Variants in MLLT3 observed in about 807,000 individuals in gnomAD.
MLLT3 encodes protein AF-9.
MLLT3 carries 4 observed loss-of-function variants against 53.2 expected under a neutral mutation model. The ratio of observed to expected loss-of-function variants is 0.08; its 90% CI spans 0.04 to 0.17. The LOEUF (loss-of-function observed/expected upper bound fraction) is 0.17. MLLT3 is among the 10% of genes least tolerant of loss of function. The pLI is 1.00. For synonymous variants in MLLT3, 283 were observed against 230.6 expected, an observed-to-expected ratio of 1.23 and a Z score of -2.06; for missense variants, 569 against 684.0, an observed-to-expected ratio of 0.83 and a Z score of 1.87.
chr9:20,362,088 TA>T (rs1295098248), intron 7 of MLLT3, among the ~76,000 whole-genome samples: 4 of 152,216 alleles, frequency 2.6e-5, no homozygotes, highest in Non-Finnish European at 5.9e-5. Flanking sequence ...TTAAACTGAT[TA>T]AACAGTTGAG....
intron 2 of MLLT3, among the ~76,000 whole-genome samples, chr9:20,534,783 G>A (rs2119001520): frequency 6.6e-6 from 1 of 152,262 alleles, no homozygotes; most frequent in Admixed American, 6.5e-5. Flanking sequence ...CAACTTGGGA[G>A]GCTGGGGCAG....
At chr9:20,597,369 A>G (rs895766520) in intron 2 of MLLT3, among the ~76,000 whole-genome samples, 1 of 137,224 alleles carries the variant, frequency 7.3e-6, no homozygotes, top group Non-Finnish European at 1.5e-5. Flanking sequence ...CAGTGACTTA[A>G]AAAAAAAAAA....
At chr9:20,506,663 T>C (rs986254286) in intron 2 of MLLT3, among the ~76,000 whole-genome samples, 1 of 152,196 alleles carries the variant, frequency 6.6e-6, no homozygotes, top group Non-Finnish European at 1.5e-5. Flanking sequence ...CATAAATAGG[T>C]TATTTTTCCA....
intron 2 of MLLT3, among the ~76,000 whole-genome samples, chr9:20,614,471 T>TA (rs937750522): frequency 4.6e-5 from 7 of 150,986 alleles, no homozygotes; most frequent in South Asian, 2.1e-4. Flanking sequence ...TAGTAGGAGC[T>TA]AAAAAAAAGC....
chr9:20,414,202 T>C lies in MLLT3; in HGVS notation c.644A>G (p.Lys215Arg). Residue 215 changes from lysine (K) to arginine (R), a missense_variant, in exon 5 of 11, where the codon AAA becomes AGA. By Grantham distance (26) the Lys-to-Arg change is conservative (BLOSUM62 2). Coordinates refer to ENST00000380338, the MANE Select transcript of MLLT3 (RefSeq NM_004529.4). The stretch of plus-strand genomic sequence containing the variant: ...CCTGGAAGGTTCTTTGAAGGCACTT[T>C]TATGTTCTCTGGAGTCTTTAGAAGG... Reference protein sequence around the residue: ...EKPSKDSREHKSAFKEPSRDH... With the variant: ...EKPSKDSREHRSAFKEPSRDH... 6.2e-7 allele frequency: 1 copy of C among 1,614,190 alleles called. No homozygotes were observed. The highest frequency in any genetic ancestry group is 8.5e-7 in the Non-Finnish European group (1 of 1,180,030).
In MLLT3 at chr9:20,611,480, G is replaced by A. The variant is rs75452279; in HGVS notation, c.193+9174C>T. Among the ~76,000 whole-genome samples the A allele has an allele frequency of 2.9e-4, 44 of 151,564 alleles. No individual in the cohort carries two copies. In the East Asian group the frequency reaches 4.8e-3, roughly 17 times the overall value. ...AATAACTAATAATTTCTACTGGAAA[G>A]GAACAAAGAAAAAAAATCTAGTTTT... On this transcript the variant is annotated intron_variant, in intron 2 of 10. Transcript: ENST00000380338.
intron 6 of MLLT3, among the ~76,000 whole-genome samples, chr9:20,364,498 C>T (rs983419921): frequency 2.0e-5 from 3 of 152,230 alleles, no homozygotes; most frequent in African/African-American, 7.2e-5. Flanking sequence ...CACTTTCATT[C>T]GGGATTAGGC....
rs1291408732 is a variant in MLLT3 at position 20,614,263 on chromosome 9, G to A, written c.193+6391C>T. On this transcript the variant is annotated intron_variant, in intron 2 of 10. Coordinates refer to ENST00000380338, the MANE Select transcript of MLLT3 (RefSeq NM_004529.4). Reference sequence around the variant, plus strand: ...TACAAAATTAGCCGGGCGTGGTGGCGCATGCCTATAATCCCAGCTACTCGG... The same window carrying A: ...TACAAAATTAGCCGGGCGTGGTGGCACATGCCTATAATCCCAGCTACTCGG... 8.5e-5 allele frequency among the ~76,000 whole-genome samples: 13 copies of A among 152,214 alleles called. No homozygotes were observed. In the East Asian group the frequency reaches 1.9e-3, roughly 23 times the overall value.
At position 20,492,277 on chromosome 9, in the gene MLLT3, G is replaced by A. The variant is rs768899291; in HGVS notation, c.194-35491C>T. ...CTGATAGCATACTAGTTGTAACTTA[G>A]AAAATGAAGGTACCAAGATCCTTTT... On this transcript the variant is annotated intron_variant, in intron 2 of 10. Transcript: ENST00000380338. Among the ~76,000 whole-genome samples the A allele has an allele frequency of 3.3e-5, 5 of 151,870 alleles. No individual in the cohort carries two copies. In the South Asian group the frequency reaches 8.3e-4, roughly 25 times the overall value.
At chr9:20,383,874 T>C (rs571832499) in intron 5 of MLLT3, among the ~76,000 whole-genome samples, 90 of 152,084 alleles carry the variant, frequency 5.9e-4, no homozygotes, top group African/African-American at 2.0e-3. Context: ...AGGACTTCTA[T>C]ACAAACAGAA....
rs1820758240 is a variant in MLLT3 at position 20,342,481 on chromosome 9, G to A, written c.*3962C>T. The A allele has an allele frequency of 4.5e-6, 1 of 222,358 alleles. No homozygotes were observed. Among genetic ancestry groups the A allele is most frequent in the Non-Finnish European group, 9.0e-6 (1 of 111,364 alleles). 13.8% of individuals were successfully genotyped at this position (222,358 alleles called of 1,614,324 possible). On this transcript the variant is annotated 3_prime_UTR_variant, in exon 11 of 11. Coordinates refer to ENST00000380338, the MANE Select transcript of MLLT3 (RefSeq NM_004529.4). Reference sequence around the variant, plus strand: ...TATTTTTGCACTGCATGGTAGCTCTGGCCACCATTAAGGATCTGTCAGCAT... The same window carrying A: ...TATTTTTGCACTGCATGGTAGCTCTAGCCACCATTAAGGATCTGTCAGCAT...
chr9:20,528,501 C>G (rs1818255647), intron 2 of MLLT3, among the ~76,000 whole-genome samples: 2 of 152,230 alleles, frequency 1.3e-5, no homozygotes, highest in Admixed American at 6.5e-5. Context: ...AGCTCACAAT[C>G]AGTTTCACTG....
rs1285485546 is a variant in MLLT3 at position 20,573,187 on chromosome 9, TG to T, written c.193+47466del. ...TGTTTTTGTTTGTTTTTTTTTGTTT[TG>T]TTTTTTTTTTTTGAGACAGTCTCAC... On this transcript the variant is annotated intron_variant, in intron 2 of 10. Transcript: ENST00000380338. Among the ~76,000 whole-genome samples the T allele has an allele frequency of 6.9e-3, 462 of 67,026 alleles. 3 individuals carry two copies. The highest frequency in any genetic ancestry group is 0.018 in the African/African-American group (447 of 24,836). 44.0% of individuals were successfully genotyped at this position (67,026 alleles called of 152,430 possible).
intron 6 of MLLT3, among the ~76,000 whole-genome samples, chr9:20,365,388 G>A (rs1821424786): frequency 6.6e-6 from 1 of 152,054 alleles, no homozygotes; most frequent in African/African-American, 2.4e-5. Flanking sequence ...CACCCAGGCT[G>A]GAGTGCAGTG....
chr9:20,395,977 G>A (rs1822311867), intron 5 of MLLT3, among the ~76,000 whole-genome samples: 1 of 152,152 alleles, frequency 6.6e-6, no homozygotes, highest in African/African-American at 2.4e-5. Flanking sequence ...GCATAGGCTT[G>A]TTCTTGGAGA....
At chr9:20,525,168 T>C (rs1002362521) in intron 2 of MLLT3, among the ~76,000 whole-genome samples, 5 of 142,238 alleles carry the variant, frequency 3.5e-5, no homozygotes, top group African/African-American at 1.3e-4. Flanking sequence ...AAAAAGTAGC[T>C]AGCTCCTCAA....
chr9:20,522,036 T>C (rs894534457), intron 2 of MLLT3, among the ~76,000 whole-genome samples: 3 of 150,410 alleles, frequency 2.0e-5, no homozygotes, highest in Non-Finnish European at 4.4e-5. Flanking sequence ...CTCTGAAATA[T>C]GTGGTGGAAA....
At chr9:20,481,410 T>A (rs762341618) in intron 2 of MLLT3, among the ~76,000 whole-genome samples, 1 of 152,164 alleles carries the variant, frequency 6.6e-6, no homozygotes, top group Non-Finnish European at 1.5e-5. Context: ...AGGGATGGCC[T>A]CAAGTTCTAC....
chr9:20,509,125 C>G (rs998637234), intron 2 of MLLT3, among the ~76,000 whole-genome samples: 2 of 152,186 alleles, frequency 1.3e-5, no homozygotes, highest in Admixed American at 1.3e-4. Context: ...CAACCGTTTA[C>G]ATTCCATGAA....
Sources: allele counts gnomAD v4.1 joint callset (sites outside exome capture counted in the v4.1 genomes callset), GRCh38; gene constraint gnomAD v4.1.1; transcripts MANE v1.5; gene names NCBI Gene and HGNC (gene_info 2026-07-23, HGNC 2026-07-21).